Variants in TLN2 observed in about 807,000 individuals in gnomAD.
TLN2 encodes talin-2.
A neutral mutation model predicts 294.7 loss-of-function variants in TLN2; 118 were observed. The ratio of observed to expected loss-of-function variants is 0.40; its 90% CI spans 0.34 to 0.47. The LOEUF is 0.47. Among genes scored for constraint, TLN2 ranks in the 20% least tolerant of loss-of-function variants. TLN2 has a pLI of 0.84. For missense variants in TLN2, 3,083 were observed against 3,282.2 expected, an observed-to-expected ratio of 0.94 and a Z score of 1.48; for synonymous variants, 1,431 against 1,304.5, an observed-to-expected ratio of 1.10 and a Z score of -2.09.
intron 9 of TLN2, among the ~76,000 whole-genome samples, chr15:62,669,348 G>A (rs2055116339): frequency 6.6e-6 from 1 of 152,182 alleles, no homozygotes; most frequent in South Asian, 2.1e-4. Context: ...AGAAGTCAGG[G>A]TTTGTGAGAG....
chr15:62,775,573 T>C (rs967929711), intron 42 of TLN2, among the ~76,000 whole-genome samples: 1 of 152,258 alleles, frequency 6.6e-6, no homozygotes, highest in Non-Finnish European at 1.5e-5. Context: ...TCTTGCTTCC[T>C]ATGGCTTTTC....
At chr15:62,592,412 T>C (rs886424817) in intron 2 of TLN2, among the ~76,000 whole-genome samples, 1 of 152,256 alleles carries the variant, frequency 6.6e-6, no homozygotes, top group Non-Finnish European at 1.5e-5. Context: ...TGCTGCCTAA[T>C]TGGTATGCTT....
intron 40 of TLN2, among the ~76,000 whole-genome samples, chr15:62,765,990 G>C (rs760628845): frequency 4.6e-5 from 7 of 152,142 alleles, no homozygotes; most frequent in Admixed American, 6.5e-5. Context: ...AGAAGTTGTC[G>C]TTCCTTCTTG....
intron 32 of TLN2, among the ~76,000 whole-genome samples, chr15:62,742,409 C>T (rs1168723306): frequency 6.6e-6 from 1 of 152,026 alleles, no homozygotes; most frequent in African/African-American, 2.4e-5. Context: ...AGATGTTTTT[C>T]ATTATCTTCA....
At chr15:62,518,885 A>G (rs1285347467) in intron 1 of TLN2, among the ~76,000 whole-genome samples, 1 of 152,212 alleles carries the variant, frequency 6.6e-6, no homozygotes, top group Non-Finnish European at 1.5e-5. Context: ...GGAGTGAGCC[A>G]TGGCGTCCGG....
intron 1 of TLN2, among the ~76,000 whole-genome samples, chr15:62,496,499 G>C (rs1223035097): frequency 6.9e-6 from 1 of 145,676 alleles, no homozygotes; most frequent in Non-Finnish European, 1.5e-5. Context: ...ACTTTGCAGA[G>C]AGTGGGCTGT....
intron 2 of TLN2, among the ~76,000 whole-genome samples, chr15:62,605,935 T>C (rs1055526984): frequency 6.6e-6 from 1 of 152,242 alleles, no homozygotes; most frequent in Non-Finnish European, 1.5e-5. Flanking sequence ...TTCCCTTCTT[T>C]AGATACATTT....
At chr15:62,545,511 T>A (rs182814880) in intron 1 of TLN2, among the ~76,000 whole-genome samples, 3,653 of 149,090 alleles carry the variant, frequency 0.025, 53 homozygotes, top group Non-Finnish European at 0.028. Flanking sequence ...TCTTTCTTTC[T>A]CTTTGTGTGT....
chr15:62,541,548 T>A (rs2041686257), intron 1 of TLN2, among the ~76,000 whole-genome samples: 1 of 152,144 alleles, frequency 6.6e-6, no homozygotes, highest in Admixed American at 6.5e-5. Context: ...CCAATCGTAT[T>A]GCCTACCTGG....
At chr15:62,539,201 TG>T (rs543028534) in intron 1 of TLN2, among the ~76,000 whole-genome samples, 148 of 152,348 alleles carry the variant, frequency 9.7e-4, no homozygotes, top group African/African-American at 3.2e-3. Context: ...GAGGCAGTGC[TG>T]ATAGAATTGA....
chr15:62,697,975 C>T, intron 15 of TLN2, 107 bp downstream of exon 15: 2 of 1,360,220 alleles, frequency 1.5e-6, no homozygotes, highest in Non-Finnish European at 9.9e-7. Context: ...TCTCTATTTC[C>T]CGGCTGAACC....
chr15:62,696,838 A>G (rs761857340), intron 14 of TLN2, among the ~76,000 whole-genome samples: 4 of 152,194 alleles, frequency 2.6e-5, no homozygotes, highest in Non-Finnish European at 5.9e-5. Flanking sequence ...GCGATGAAAC[A>G]TCCTCTGTGG....
intron 1 of TLN2, among the ~76,000 whole-genome samples, chr15:62,433,388 A>C (rs2035118385): frequency 1.3e-5 from 2 of 151,810 alleles, no homozygotes; most frequent in Admixed American, 6.6e-5. Flanking sequence ...AAGTTCTGAA[A>C]CTCCATAGGG....
At chr15:62,757,821 G>A (rs374505014) in intron 37 of TLN2, among the ~76,000 whole-genome samples, 11 of 152,156 alleles carry the variant, frequency 7.2e-5, no homozygotes, top group East Asian at 3.9e-4. Flanking sequence ...GCCCCTCCGC[G>A]TGTGGAAATG....
intron 1 of TLN2, among the ~76,000 whole-genome samples, chr15:62,503,220 TA>T (rs138630216): frequency 0.074 from 11,250 of 151,994 alleles, 549 homozygotes; most frequent in Non-Finnish European, 0.11. Flanking sequence ...TATAGAAAAA[TA>T]AAAAAATAAT....
chr15:62,565,288 A>G (rs1567109024), intron 1 of TLN2, among the ~76,000 whole-genome samples: 2 of 152,214 alleles, frequency 1.3e-5, no homozygotes, highest in Non-Finnish European at 2.9e-5. Flanking sequence ...AGTTTGGGAT[A>G]ATGAAAGTCA....
chr15:62,706,657 G>A (rs187092163), intron 19 of TLN2, among the ~76,000 whole-genome samples: 7 of 152,366 alleles, frequency 4.6e-5, no homozygotes, highest in Admixed American at 3.3e-4. Context: ...TCAAGTTGCA[G>A]TGGGGCATGA....
intron 1 of TLN2, among the ~76,000 whole-genome samples, chr15:62,425,793 C>T (rs2034675400): frequency 6.6e-6 from 1 of 152,166 alleles, no homozygotes. Context: ...TGGTATGCAG[C>T]ATGTGTGTGC....
chr15:62,800,969 A>C (rs905685312), intron 50 of TLN2, among the ~76,000 whole-genome samples, 200 bp downstream of exon 50: 1 of 152,222 alleles, frequency 6.6e-6, no homozygotes, highest in Non-Finnish European at 1.5e-5. Flanking sequence ...TTGTAAGTGT[A>C]ATCAAGGAGT....
Sources: gnomAD v4.1 joint callset for allele counts (sites outside exome capture counted in the v4.1 genomes callset) on GRCh38, gnomAD v4.1.1 for gene constraint, MANE v1.5 for transcripts, NCBI Gene and HGNC (gene_info 2026-07-23, HGNC 2026-07-21) for gene names.